Variants in TRPC3 observed in about 807,000 individuals in gnomAD.
TRPC3 encodes the protein short transient receptor potential channel 3.
In TRPC3, 54 loss-of-function variants were observed where a neutral mutation model predicts 90.9. That is an observed-to-expected ratio of 0.59 (90% confidence interval 0.48 to 0.75). The LOEUF (loss-of-function observed/expected upper bound fraction) is 0.75, where lower values mean the gene tolerates loss of function less well. Among genes scored for constraint, TRPC3 ranks in the 30% least tolerant of loss-of-function variants. The pLI is 0.00. For synonymous variants in TRPC3, 424 were observed against 450.9 expected (o/e 0.94, Z 0.75); for missense variants, 918 against 1,194.5 (o/e 0.77, Z 3.41).
intron 1 of TRPC3, among the ~76,000 whole-genome samples, chr4:121,939,621 T>A (rs188385657): frequency 1.3e-5 from 2 of 152,356 alleles, no homozygotes; most frequent in Admixed American, 6.5e-5. Context: ...CCTCAGCTCC[T>A]CTGTGGTGTG....
At position 121,877,798 on chromosome 4, in the gene TRPC3, A is replaced by T. The variant is rs1456384563; in HGVS notation, c.*1938T>A. Among the ~76,000 whole-genome samples, 1 of 132,070 alleles carries T rather than the reference A, an allele frequency of 7.6e-6. No individual in the cohort carries two copies. The highest frequency in any genetic ancestry group is 1.6e-5 in the Non-Finnish European group (1 of 62,014). The allele number at this position is 132,070 out of a possible 152,430, so 86.6% of individuals were successfully genotyped here. A position where few individuals can be genotyped will look rare whatever the true frequency, so the allele number is the denominator to read the frequency against. On this transcript the variant is annotated 3_prime_UTR_variant, in exon 12 of 12. Coordinates refer to ENST00000379645, the MANE Select transcript of TRPC3 (RefSeq NM_001130698.2). ...ATGGACAAAAAAAAAAAAAAAAAAAAGTCAGCTTTTTATCCACATGGTGTG... is the reference window on the plus strand; with the variant it reads ...ATGGACAAAAAAAAAAAAAAAAAAATGTCAGCTTTTTATCCACATGGTGTG...
chr4:121,925,240 T>C, intron 2 of TRPC3, 34 bp from the exon 3 acceptor site: 2 of 1,575,716 alleles, frequency 1.3e-6, no homozygotes, highest in Non-Finnish European at 1.7e-6. Flanking sequence ...TTAACACAAA[T>C]AATTTGCTTT....
intron 10 of TRPC3, 61 bp from the exon 11 acceptor site, chr4:121,882,490 T>C: frequency 2.6e-6 from 4 of 1,516,664 alleles, no homozygotes; most frequent in Non-Finnish European, 3.6e-6. Flanking sequence ...CCAATCCTAT[T>C]TTCCAAAGAG....
At chr4:121,884,235 A>G (rs560949447) in intron 10 of TRPC3, among the ~76,000 whole-genome samples, 5 of 152,318 alleles carry the variant, frequency 3.3e-5, no homozygotes, top group South Asian at 2.1e-4. Context: ...TCTGTAGAAT[A>G]TATTTTTAGG....
At chr4:121,938,616 G>A (rs998267038) in intron 1 of TRPC3, among the ~76,000 whole-genome samples, 3 of 152,106 alleles carry the variant, frequency 2.0e-5, no homozygotes, top group Admixed American at 6.5e-5. Flanking sequence ...ACAATACCAC[G>A]AAGCAGGTAT....
intron 10 of TRPC3, 122 bp downstream of exon 10, chr4:121,899,490 A>G (rs1578611805): frequency 1.4e-6 from 1 of 712,118 alleles, no homozygotes; most frequent in East Asian, 2.8e-5. Context: ...GTTCTGAACT[A>G]TCCTCATGGT....
At chr4:121,943,219 ATATGGT>A (rs1213416029) in intron 1 of TRPC3, among the ~76,000 whole-genome samples, 1 of 152,162 alleles carries the variant, frequency 6.6e-6, no homozygotes, top group Non-Finnish European at 1.5e-5. Context: ...CCCTAGTCAC[ATATGGT>A]TATGTGTGGA....
intron 8 of TRPC3, 94 bp from the exon 9 acceptor site, chr4:121,903,155 G>A (rs1205812672): frequency 1.2e-5 from 13 of 1,125,718 alleles, no homozygotes; most frequent in Admixed American, 1.1e-4. Flanking sequence ...TCTAAGTTAC[G>A]TTTTTGAAAT....
intron 11 of TRPC3, among the ~76,000 whole-genome samples, chr4:121,881,232 T>G (rs1727932105): frequency 6.6e-6 from 1 of 152,194 alleles, no homozygotes; most frequent in Admixed American, 6.6e-5. Flanking sequence ...AGTTTCCTCA[T>G]TAATTAAATG....
At chr4:121,926,046 A>C (rs1729696138) in intron 2 of TRPC3, among the ~76,000 whole-genome samples, 1 of 152,248 alleles carries the variant, frequency 6.6e-6, no homozygotes, top group African/African-American at 2.4e-5. Flanking sequence ...AAACTAAGTC[A>C]ACTGTGTTAA....
intron 10 of TRPC3, among the ~76,000 whole-genome samples, chr4:121,891,702 C>T (rs1435287605): frequency 6.6e-6 from 1 of 152,184 alleles, no homozygotes; most frequent in Non-Finnish European, 1.5e-5. Flanking sequence ...AAAGTCAGCA[C>T]CAAGGTGGTT....
intron 1 of TRPC3, among the ~76,000 whole-genome samples, chr4:121,942,787 T>A (rs1398606534): frequency 6.6e-6 from 1 of 152,186 alleles, no homozygotes; most frequent in Non-Finnish European, 1.5e-5. Flanking sequence ...AGCAAACAGC[T>A]ACCTAACAGT....
chr4:121,884,019 G>GA (rs150191109), intron 10 of TRPC3, among the ~76,000 whole-genome samples: 5,650 of 152,196 alleles, frequency 0.037, 352 homozygotes, highest in African/African-American at 0.13. Flanking sequence ...CAAAACACTG[G>GA]AAACAATCTA....
intron 10 of TRPC3, among the ~76,000 whole-genome samples, chr4:121,889,896 C>A (rs1335099278): frequency 6.6e-6 from 1 of 152,088 alleles, no homozygotes; most frequent in East Asian, 1.9e-4. Context: ...TTCACAACAG[C>A]CAAAATATGG....
chr4:121,920,647 T>G (rs769296368), intron 3 of TRPC3, among the ~76,000 whole-genome samples: 2 of 152,236 alleles, frequency 1.3e-5, no homozygotes, highest in African/African-American at 2.4e-5. Context: ...ATTTTTATTC[T>G]TTGTTAGTTT....
At chr4:121,882,493 C>T in intron 10 of TRPC3, 64 bp from the exon 11 acceptor site, 1 of 1,484,394 alleles carries the variant, frequency 6.7e-7, no homozygotes, top group South Asian at 1.2e-5. Flanking sequence ...ATCCTATTTT[C>T]CAAAGAGGCT....
At position 121,876,988 on chromosome 4, in the gene TRPC3, A is replaced by C. The variant is rs1727779325; in HGVS notation, c.*2748T>G. The stretch of plus-strand genomic sequence containing the variant: ...CTTTAATTAATGTTTTTTTCTATAA[A>C]GTTGTTTTTGGTCCTGTTTAAATGC... On this transcript the variant is annotated 3_prime_UTR_variant, in exon 12 of 12. Transcript: ENST00000379645. Among the ~76,000 whole-genome samples, 1 of 152,108 alleles carries C rather than the reference A, an allele frequency of 6.6e-6. No individual in the cohort carries two copies.
rs1463701503 is a variant in TRPC3, at chr4:121,914,807, A to G, written c.1314T>C (p.Ile438=). 2.5e-6 allele frequency: 4 copies of G among 1,612,632 alleles called. No homozygotes were observed. Among genetic ancestry groups the G allele is most frequent in the Non-Finnish European group, 2.5e-6 (3 of 1,178,880 alleles). ...VVALGLPFLA[I]GYWIAPCSRL... ...TGCTGCAAGGTGCGATCCAGTAGCC[A>G]ATGGCCAGGAATGGAAGGCCCAGGG... The change falls in exon 4 of 12, where the codon ATT becomes ATC. Residue 438 remains isoleucine, a synonymous_variant. Coordinates refer to ENST00000379645, the MANE Select transcript of TRPC3 (RefSeq NM_001130698.2).
intron 3 of TRPC3, among the ~76,000 whole-genome samples, chr4:121,915,317 A>G (rs771400431): frequency 6.6e-6 from 1 of 152,226 alleles, no homozygotes; most frequent in Non-Finnish European, 1.5e-5. Flanking sequence ...TCAGTTCAAA[A>G]TGGAAAAGAA....
Sources: gnomAD v4.1 joint callset for allele counts (sites outside exome capture counted in the v4.1 genomes callset) on GRCh38, gnomAD v4.1.1 for gene constraint, MANE v1.5 for transcripts, NCBI Gene and HGNC (gene_info 2026-07-23, HGNC 2026-07-21) for gene names.